Variants in KCNK5 observed in about 807,000 individuals in gnomAD.
KCNK5 encodes potassium two pore domain channel subfamily K member 5.
KCNK5 carries 18 observed loss-of-function variants against 32.9 expected under a neutral mutation model. The ratio of observed to expected loss-of-function variants is 0.55; its 90% CI spans 0.38 to 0.81. KCNK5 has a LOEUF of 0.81. KCNK5 is among the 30% of genes least tolerant of loss of function. KCNK5 has a pLI of 0.00. For missense variants in KCNK5, 507 were observed against 651.0 expected (o/e 0.78, Z 2.41); for synonymous variants, 276 against 275.3 (o/e 1.00, Z -0.03).
chr6:39,218,078 T>C, intron 1 of KCNK5, among the ~76,000 whole-genome samples: 1 of 150,904 alleles, frequency 6.6e-6, no homozygotes, highest in East Asian at 1.9e-4. Flanking sequence ...GCCTTTTTTT[T>C]TTTTTTTTTT....
At position 39,229,016 on chromosome 6, in the gene KCNK5, C is replaced by T; in HGVS notation, c.96G>A (p.Lys32=). ...GTGTGTAGTAGTTTTTCTTGGCCTCCTTCCAGTGTGGCTCCTCCAGCACTT... is the reference window on the plus strand; with the variant it reads ...GTGTGTAGTAGTTTTTCTTGGCCTCTTTCCAGTGTGGCTCCTCCAGCACTT... ...IFEVLEEPHW[K]EAKKNYYTQK... The change falls in exon 1 of 5, where the codon AAG becomes AAA. Residue 32 remains lysine (K), a synonymous_variant. Coordinates refer to ENST00000359534, the MANE Select transcript of KCNK5 (RefSeq NM_003740.4). 6.2e-7 allele frequency: 1 copy of T among 1,614,178 alleles called. No individual in the cohort carries two copies. The highest frequency in any genetic ancestry group is 8.5e-7 in the Non-Finnish European group (1 of 1,180,026).
Position 39,189,428 on chromosome 6 carries a change from G to A in KCNK5, c.*1462C>T, listed in dbSNP as rs187592869. On this transcript the variant is annotated 3_prime_UTR_variant, in exon 5 of 5. Coordinates refer to ENST00000359534, the MANE Select transcript of KCNK5 (RefSeq NM_003740.4). ...GGCCTTGGATGAGGTCACCGAAAAA[G>A]GCCCAATTGAGTTGCAGGGCAGGAG... is the stretch of plus-strand genomic sequence containing the variant. 1 of 152,572 alleles carries A rather than the reference G, an allele frequency of 6.6e-6. No individual in the cohort carries two copies. Among genetic ancestry groups the A allele is most frequent in the Non-Finnish European group, 1.5e-5 (1 of 68,032 alleles). 9.5% of individuals were successfully genotyped at this position (152,572 alleles called of 1,614,324 possible).
intron 1 of KCNK5, among the ~76,000 whole-genome samples, chr6:39,226,340 G>A (rs899023680): frequency 6.6e-6 from 1 of 152,222 alleles, no homozygotes; most frequent in Non-Finnish European, 1.5e-5. Context: ...CTGAGCACTT[G>A]AAAGTCAGCC....
intron 1 of KCNK5, among the ~76,000 whole-genome samples, chr6:39,203,479 A>G (rs558105604): frequency 1.3e-5 from 2 of 152,324 alleles, no homozygotes; most frequent in Non-Finnish European, 2.9e-5. Context: ...CAAGTTGGGC[A>G]GGGCTGCTGA....
intron 1 of KCNK5, among the ~76,000 whole-genome samples, chr6:39,217,681 T>C (rs961412961): frequency 6.6e-6 from 1 of 152,164 alleles, no homozygotes; most frequent in African/African-American, 2.4e-5. Flanking sequence ...TTTTATGATT[T>C]GCCGCCACGA....
intron 1 of KCNK5, 34 bp from the exon 2 acceptor site, chr6:39,196,021 G>A: frequency 4.7e-6 from 7 of 1,491,312 alleles, no homozygotes; most frequent in Non-Finnish European, 6.5e-6. Flanking sequence ...CAGAGCTGAG[G>A]CCACACTTAA....
chr6:39,228,936 T>C lies in KCNK5; in HGVS notation c.176A>G (p.Lys59Arg). ...CAGGCGGCGACTGACCTCTAGGATC[T>C]TGTCCAGGCCCTCCTGACCCAGGCA... ...FPCLGQEGLD[K>R]ILEVVSDAAG... Residue 59 changes from lysine (K) to arginine (R), a missense_variant, in exon 1 of 5, where the codon AAG (lysine) becomes AGG (arginine). Transcript: ENST00000359534. 1 of 1,614,160 alleles carries C rather than the reference T, an allele frequency of 6.2e-7. No homozygotes were observed. Among genetic ancestry groups the C allele is most frequent in the Non-Finnish European group, 8.5e-7 (1 of 1,180,006 alleles).
At chr6:39,213,964 T>G (rs2113793053) in intron 1 of KCNK5, among the ~76,000 whole-genome samples, 1 of 151,784 alleles carries the variant, frequency 6.6e-6, no homozygotes, top group South Asian at 2.1e-4. Context: ...AGGTGGAGGT[T>G]GCAGTGAGCC....
At position 39,227,265 on chromosome 6, in the gene KCNK5, C is replaced by T. The variant is rs937272012; in HGVS notation, c.186+1661G>A. ...CTTCGAGGGCAGCTCAAGGCTTTATCATCCTTGCCTGCCCTCTTCCCCCTC... is the reference window on the plus strand; with the variant it reads ...CTTCGAGGGCAGCTCAAGGCTTTATTATCCTTGCCTGCCCTCTTCCCCCTC... On this transcript the variant is annotated intron_variant, in intron 1 of 4. Transcript: ENST00000359534. Among the ~76,000 whole-genome samples the T allele has an allele frequency of 2.6e-5, 4 of 152,270 alleles. No homozygotes were observed. In the East Asian group the frequency reaches 7.7e-4, roughly 29 times the overall value.
At position 39,229,360 on chromosome 6, in the gene KCNK5, AG is replaced by A; in HGVS notation, c.-250del. The A allele has an allele frequency of 1.8e-6, 1 of 553,940 alleles. No homozygotes were observed. The highest frequency in any genetic ancestry group is 2.1e-5 in the South Asian group (1 of 48,464). 34.3% of individuals were successfully genotyped at this position (553,940 alleles called of 1,614,324 possible). ...GTGGGCGAACACCAGCGGGGCTGAA[AG>A]GGCGCCCTGGACCGCGGATGCGTAA... On this transcript the variant is annotated 5_prime_UTR_variant, in exon 1 of 5. Coordinates refer to ENST00000359534, the MANE Select transcript of KCNK5 (RefSeq NM_003740.4).
intron 1 of KCNK5, among the ~76,000 whole-genome samples, chr6:39,225,998 C>T (rs1259894285): frequency 3.3e-5 from 5 of 152,200 alleles, no homozygotes; most frequent in African/African-American, 1.2e-4. Flanking sequence ...AGACATCTTG[C>T]CTAATGTTTC....
chr6:39,207,088 G>A (rs9471000), intron 1 of KCNK5, among the ~76,000 whole-genome samples: 13,936 of 152,148 alleles, frequency 0.092, 820 homozygotes, highest in South Asian at 0.18. Context: ...CAGTCCCTCC[G>A]GCTCAGCAGT....
intron 1 of KCNK5, among the ~76,000 whole-genome samples, chr6:39,206,648 C>A (rs112002643): frequency 6.6e-6 from 1 of 152,124 alleles, no homozygotes; most frequent in South Asian, 2.1e-4. Flanking sequence ...GTCTCTCCAA[C>A]ACAAATATCA....
At position 39,191,346 on chromosome 6, in the gene KCNK5, G is replaced by A. The variant is rs751945509; in HGVS notation, c.1044C>T (p.Ser348=). The part of the protein sequence containing the change: ...PPSLVPLVVY[S]KNRVPTLEEV... Reference sequence around the variant, plus strand: ...CTTCCAAGGTGGGCACCCGGTTCTTGGAGTAGACTACCAGGGGCACCAGGG... The same window carrying A: ...CTTCCAAGGTGGGCACCCGGTTCTTAGAGTAGACTACCAGGGGCACCAGGG... Residue 348 remains serine (S), a synonymous_variant, in exon 5 of 5, where the codon TCC becomes TCT. Transcript: ENST00000359534. This position sits in a 1 kb window ranked among gnomAD's most constrained non-coding sequence, Gnocchi z 5.8. 6.2e-7 allele frequency: 1 copy of A among 1,613,882 alleles called. No homozygotes were observed.
intron 1 of KCNK5, among the ~76,000 whole-genome samples, chr6:39,198,509 A>G (rs181612710): frequency 1.6e-3 from 243 of 152,362 alleles, no homozygotes; most frequent in African/African-American, 5.5e-3. Flanking sequence ...AATCAACAAC[A>G]TACAAGTATC....
chr6:39,223,182 G>A (rs1771589954), intron 1 of KCNK5, among the ~76,000 whole-genome samples: 1 of 152,190 alleles, frequency 6.6e-6, no homozygotes, highest in Non-Finnish European at 1.5e-5. Context: ...AGAAATGGCA[G>A]CTAACACTTA....
chr6:39,191,187 T>C lies in KCNK5; in HGVS notation c.1203A>G (p.Glu401=). The C allele has an allele frequency of 1.2e-6, 2 of 1,614,158 alleles. No homozygotes were observed. Among genetic ancestry groups the C allele is most frequent in the Non-Finnish European group, 1.7e-6 (2 of 1,180,026 alleles). The stretch of plus-strand genomic sequence containing the variant: ...AGTCCTGGGCGTCCCATGGCTCGCA[T>C]TCCTCGCTGATGCGGTCCAGCTGGT... ...FMNQLDRISE[E]CEPWDAQDYH... is the part of the protein sequence containing the mutation. The change falls in exon 5 of 5, where the codon GAA becomes GAG. Residue 401 remains glutamate (E), a synonymous_variant. Transcript: ENST00000359534. The surrounding 1 kb of genome is among the most constrained non-coding windows in gnomAD (Gnocchi z 5.8).
chr6:39,217,556 C>T (rs1263418641), intron 1 of KCNK5, among the ~76,000 whole-genome samples: 2 of 152,222 alleles, frequency 1.3e-5, no homozygotes, highest in Admixed American at 1.3e-4. Flanking sequence ...GTACTTCCCC[C>T]ACCCCTGGTG....
chr6:39,211,965 AAAAAGAAAAAAAG>A (rs1379553139), intron 1 of KCNK5, among the ~76,000 whole-genome samples: 2 of 152,014 alleles, frequency 1.3e-5, no homozygotes, highest in African/African-American at 4.8e-5. Context: ...ACTCTGTCTC[AAAAAGAAAAAAAG>A]AAAAGAAAAA....
Sources: allele counts gnomAD v4.1 joint callset (sites outside exome capture counted in the v4.1 genomes callset), GRCh38; gene constraint gnomAD v4.1.1; non-coding constraint Gnocchi (gnomAD v3.1); transcripts MANE v1.5; gene names NCBI Gene and HGNC (gene_info 2026-07-23, HGNC 2026-07-21).